Variants in NXN observed in about 807,000 individuals in gnomAD.
NXN encodes the protein nucleoredoxin.
Under a neutral mutation model 48.6 loss-of-function variants are expected in NXN, and 16 were observed. The observed-to-expected ratio is 0.33, with a 90% CI of 0.22 to 0.50. The LOEUF (loss-of-function observed/expected upper bound fraction) is 0.50, where lower values mean the gene tolerates loss of function less well. Ranked by LOEUF, NXN falls within the 20% of genes least tolerant of loss-of-function variation. The pLI, the probability that NXN is intolerant of heterozygous loss-of-function variation, is 0.98. For synonymous variants in NXN, 281 were observed against 269.6 expected (o/e 1.04, Z -0.41); for missense variants, 492 against 605.5 (o/e 0.81, Z 1.97).
At chr17:922,721 G>T (rs531483065) in intron 1 of NXN, among the ~76,000 whole-genome samples, 60 of 151,882 alleles carry the variant, frequency 4.0e-4, no homozygotes, top group African/African-American at 1.2e-3. Flanking sequence ...GTGCGATCTC[G>T]GCTCACTGCA....
chr17:893,152 G>A (rs974434017), intron 1 of NXN, among the ~76,000 whole-genome samples: 15 of 152,252 alleles, frequency 9.9e-5, no homozygotes, highest in Non-Finnish European at 1.8e-4. Flanking sequence ...CGCCTACGCA[G>A]GCCAAGTCTC....
intron 5 of NXN, among the ~76,000 whole-genome samples, chr17:818,826 A>T (rs57275372): frequency 0.023 from 3,496 of 150,684 alleles, 120 homozygotes; most frequent in African/African-American, 0.078. Context: ...CGGAGCTTGC[A>T]GTGAGCGGAG....
chr17:818,118 G>A (rs559849911), intron 5 of NXN, among the ~76,000 whole-genome samples: 11 of 152,104 alleles, frequency 7.2e-5, no homozygotes, highest in Admixed American at 1.3e-4. Context: ...AAAATGAGCA[G>A]GGAGTGGTGG....
chr17:958,250 G>C lies in NXN; in HGVS notation c.360+21069C>G, dbSNP rs1044901244. On this transcript the variant is annotated intron_variant, in intron 1 of 7. Coordinates refer to ENST00000336868, the MANE Select transcript of NXN (RefSeq NM_022463.5). The surrounding 1 kb of genome is among the most constrained non-coding windows in gnomAD (Gnocchi z 6.9). ...GTGGCTGCCAGCTTGTCCCTTCCCC[G>C]GTGCCTCTGCCCAACAAGACATGAC... Among the ~76,000 whole-genome samples, 3 of 152,102 alleles carry C rather than the reference G, an allele frequency of 2.0e-5. No homozygotes were observed. The highest frequency in any genetic ancestry group is 1.3e-4 in the Admixed American group (2 of 15,258).
At chr17:972,661 C>A (rs1262725178) in intron 1 of NXN, among the ~76,000 whole-genome samples, 2 of 152,182 alleles carry the variant, frequency 1.3e-5, no homozygotes, top group Admixed American at 6.5e-5. Context: ...CCGACCCCAG[C>A]TGTGCACAAA....
chr17:838,687 T>A (rs1387437484), intron 1 of NXN, among the ~76,000 whole-genome samples: 1 of 152,166 alleles, frequency 6.6e-6, no homozygotes, highest in African/African-American at 2.4e-5. Flanking sequence ...TCAGGCCAAC[T>A]GCCAGGAGAA....
intron 4 of NXN, 34 bp downstream of exon 4, chr17:822,322 AG>A: frequency 6.9e-7 from 1 of 1,456,764 alleles, no homozygotes; most frequent in Non-Finnish European, 9.6e-7. Context: ...AGCTACCTAC[AG>A]AAAAGGGGCC....
At chr17:963,799 C>T (rs575500145) in intron 1 of NXN, among the ~76,000 whole-genome samples, 27 of 151,862 alleles carry the variant, frequency 1.8e-4, no homozygotes, top group Non-Finnish European at 3.1e-4. Context: ...AATGCTGGGC[C>T]GGGCGCGGTG....
At chr17:856,066 G>A (rs1397671307) in intron 1 of NXN, among the ~76,000 whole-genome samples, 6 of 152,084 alleles carry the variant, frequency 3.9e-5, no homozygotes, top group Admixed American at 2.0e-4. Flanking sequence ...GGTGGCACAC[G>A]CCTATAATCC....
chr17:940,148 ATG>A (rs2068955135), intron 1 of NXN, among the ~76,000 whole-genome samples: 1 of 149,760 alleles, frequency 6.7e-6, no homozygotes, highest in African/African-American at 2.5e-5. Flanking sequence ...GGGTCTCAGT[ATG>A]TTCCCCAGGC....
intron 1 of NXN, among the ~76,000 whole-genome samples, chr17:940,237 A>AT (rs56917679): frequency 0.075 from 10,561 of 141,110 alleles, 720 homozygotes; most frequent in African/African-American, 0.18. Flanking sequence ...CCTGGCCTCA[A>AT]TTTTTTTTTT....
At chr17:913,027 T>C (rs2068652061) in intron 1 of NXN, among the ~76,000 whole-genome samples, 1 of 152,080 alleles carries the variant, frequency 6.6e-6, no homozygotes. Flanking sequence ...GTCATATACG[T>C]TGGAAATATC....
intron 1 of NXN, among the ~76,000 whole-genome samples, chr17:944,668 G>A (rs1653707440): frequency 6.6e-6 from 1 of 152,142 alleles, no homozygotes; most frequent in African/African-American, 2.4e-5. Context: ...GGAGGGCGGA[G>A]AAAACCAGAA....
intron 3 of NXN, among the ~76,000 whole-genome samples, chr17:822,821 T>G (rs968411269): frequency 7.9e-5 from 12 of 152,180 alleles, no homozygotes; most frequent in Non-Finnish European, 1.8e-4. Context: ...ATATCCAGGC[T>G]GGGTGCAGTG....
chr17:922,082 C>A (rs959474491), intron 1 of NXN, among the ~76,000 whole-genome samples: 1 of 152,174 alleles, frequency 6.6e-6, no homozygotes, highest in Non-Finnish European at 1.5e-5. Context: ...CCCTTTTCAG[C>A]GGGTAACTGT....
At chr17:834,863 C>A (rs987728140) in intron 1 of NXN, among the ~76,000 whole-genome samples, 6 of 149,784 alleles carry the variant, frequency 4.0e-5, no homozygotes, top group South Asian at 4.5e-4. Context: ...ACCATGTTGG[C>A]TGGGCTGGTC....
chr17:840,499 A>C (rs891154617), intron 1 of NXN, among the ~76,000 whole-genome samples: 3 of 151,982 alleles, frequency 2.0e-5, no homozygotes, highest in Admixed American at 6.6e-5. Context: ...GCCACCACGC[A>C]CAGCTAATTT....
rs959564855 is a variant in NXN, at chr17:799,395, G to A, written c.*1554C>T. On this transcript the variant is annotated 3_prime_UTR_variant, in exon 8 of 8. Coordinates refer to ENST00000336868, the MANE Select transcript of NXN (RefSeq NM_022463.5). ...TTCCTACGGGGTGATCGCATTTCAG[G>A]CTGGTAACATCACATAACAAGTCTA... 4 of 152,270 alleles carry A rather than the reference G, an allele frequency of 2.6e-5. No individual in the cohort carries two copies. Among genetic ancestry groups the A allele is most frequent in the Admixed American group, 2.0e-4 (3 of 15,280 alleles). 9.4% of individuals were successfully genotyped at this position (152,270 alleles called of 1,614,324 possible).
chr17:818,349 G>T (rs1374942821), intron 5 of NXN, among the ~76,000 whole-genome samples: 3 of 151,902 alleles, frequency 2.0e-5, no homozygotes, highest in Non-Finnish European at 4.4e-5. Context: ...TTTTCTCACC[G>T]AGAAGGTGAT....
Sources: allele counts gnomAD v4.1 joint callset (sites outside exome capture counted in the v4.1 genomes callset), GRCh38; gene constraint gnomAD v4.1.1; non-coding constraint Gnocchi (gnomAD v3.1); transcripts MANE v1.5; gene names NCBI Gene and HGNC (gene_info 2026-07-23, HGNC 2026-07-21).